Variants in ESR2 observed in about 807,000 individuals in gnomAD.
The protein encoded by ESR2 is estrogen receptor 2, also known as estrogen receptor beta.
In ESR2, 36 loss-of-function variants were observed where a neutral mutation model predicts 49.6. That is an observed-to-expected ratio of 0.73 (90% CI 0.56 to 0.96). The LOEUF is 0.96. ESR2 is among the 40% of genes least tolerant of loss of function. The pLI, the probability that ESR2 is intolerant of heterozygous loss-of-function variation, is 0.00. For synonymous variants in ESR2, 320 were observed against 266.1 expected (o/e 1.20, Z -1.97); for missense variants, 714 against 693.0 (o/e 1.03, Z -0.34).
At chr14:64,264,225 A>G (rs1336803233) in intron 4 of ESR2, among the ~76,000 whole-genome samples, 1 of 152,230 alleles carries the variant, frequency 6.6e-6, no homozygotes, top group Admixed American at 6.5e-5. Context: ...AAAAATAAAT[A>G]TTAGTTAGAA....
chr14:64,320,891 GC>G (rs1567801762), intron 1 of ESR2, among the ~76,000 whole-genome samples: 1 of 151,856 alleles, frequency 6.6e-6, no homozygotes, highest in Admixed American at 6.6e-5. Context: ...GCGAAACTCC[GC>G]CTCAATAATA....
In ESR2 at chr14:64,232,884, C is replaced by A. The variant is rs529570917; in HGVS notation, c.*253G>T. The A allele has an allele frequency of 5.0e-4, 259 of 522,668 alleles. No homozygotes were observed. The highest frequency in any genetic ancestry group is 6.6e-4 in the Non-Finnish European group (218 of 332,032). The allele number at this position is 522,668 out of a possible 1,614,324, so 32.4% of individuals were successfully genotyped here. The stretch of plus-strand genomic sequence containing the variant: ...AAGAAGGAAAGTAAGAAAGACCACA[C>A]TGAGATCCTATGAGGCCATTGAGTG... On this transcript the variant is annotated 3_prime_UTR_variant, in exon 9 of 9. Transcript: ENST00000341099.
At chr14:64,289,533 A>G (rs1043449259) in intron 1 of ESR2, among the ~76,000 whole-genome samples, 3 of 152,066 alleles carry the variant, frequency 2.0e-5, no homozygotes, top group Non-Finnish European at 4.4e-5. Context: ...AAGAAAAAGA[A>G]AAAGAAAAAA....
intron 4 of ESR2, among the ~76,000 whole-genome samples, chr14:64,264,307 T>G (rs568900047): frequency 6.6e-6 from 1 of 152,326 alleles, no homozygotes; most frequent in Admixed American, 6.5e-5. Flanking sequence ...TGACTAGTTA[T>G]AGTAGAAGAA....
At chr14:64,300,208 G>C (rs181246937) in intron 1 of ESR2, among the ~76,000 whole-genome samples, 3 of 152,326 alleles carry the variant, frequency 2.0e-5, no homozygotes, top group Admixed American at 2.0e-4. Context: ...GTGTTTTCCA[G>C]ATTTGCACTC....
At chr14:64,288,216 C>T (rs2076812333) in intron 1 of ESR2, among the ~76,000 whole-genome samples, 1 of 151,974 alleles carries the variant, frequency 6.6e-6, no homozygotes, top group Non-Finnish European at 1.5e-5. Flanking sequence ...AATGTACTGG[C>T]TGGGAAACAT....
chr14:64,235,043 C>G lies in ESR2; in HGVS notation c.1333G>C (p.Gly445Arg). Residue 445 changes from glycine to arginine, a missense_variant, in exon 8 of 9, where the codon GGC becomes CGC. Physicochemically the swap from Gly to Arg is moderately radical, Grantham distance 125. Transcript: ENST00000341099. ...ATGGATTGCTGCTGGGAGGAGATGC[C>G]GCTCTTGGCAATCACCCAAACCAAA... Reference protein sequence around the residue: ...DALVWVIAKSGISSQQQSMRL... With the variant: ...DALVWVIAKSRISSQQQSMRL... 1 of 1,614,200 alleles carries G rather than the reference C, an allele frequency of 6.2e-7. No homozygotes were observed. Among genetic ancestry groups the G allele is most frequent in the Middle Eastern group, 1.6e-4 (1 of 6,062 alleles).
Position 64,228,540 on chromosome 14 carries a change from C to T in ESR2, c.*4597G>A, listed in dbSNP as rs115914997. 6.6e-6 allele frequency among the ~76,000 whole-genome samples: 1 copy of T among 152,122 alleles called. No homozygotes were observed. Among genetic ancestry groups the T allele is most frequent in the South Asian group, 2.1e-4 (1 of 4,820 alleles). On this transcript the variant is annotated 3_prime_UTR_variant, in exon 9 of 9. Transcript: ENST00000341099. ...AATTAGTGTAATGATACAAAGCATT[C>T]GTCTGAGAAAATGGCAAATTATAGC...
chr14:64,273,588 G>A (rs564017959), intron 3 of ESR2, among the ~76,000 whole-genome samples: 93 of 134,874 alleles, frequency 6.9e-4, no homozygotes, highest in Admixed American at 1.1e-3. Flanking sequence ...TCATTCTGTC[G>A]ATATGGTGCA....
chr14:64,332,936 G>A lies in ESR2; in HGVS notation c.-91+4962C>T, dbSNP rs552215632. On this transcript the variant is annotated intron_variant, in intron 1 of 8. Coordinates refer to the ESR2 transcript ENST00000358599. ...GCCCAGGCTGGAGGGTAGGGCAGTG[G>A]CGCGATCTCAGCTCACTGCAAGCTC... Among the ~76,000 whole-genome samples the A allele has an allele frequency of 2.2e-4, 32 of 148,778 alleles. No individual in the cohort carries two copies. The East Asian group carries it at 5.9e-3, about 27-fold the overall frequency.
chr14:64,261,869 A>C (rs1051808858), intron 4 of ESR2, among the ~76,000 whole-genome samples: 5 of 152,086 alleles, frequency 3.3e-5, no homozygotes, highest in Non-Finnish European at 7.4e-5. Context: ...CTCCTGCCTC[A>C]GCCTCCTGAG....
At chr14:64,308,023 TG>T (rs1327844344) in intron 1 of ESR2, among the ~76,000 whole-genome samples, 1 of 152,088 alleles carries the variant, frequency 6.6e-6, no homozygotes, top group African/African-American at 2.4e-5. Context: ...TTGTTTTTGT[TG>T]TTGTTGTTGA....
At chr14:64,236,941 C>G (rs913289136) in intron 7 of ESR2, among the ~76,000 whole-genome samples, 1 of 150,614 alleles carries the variant, frequency 6.6e-6, no homozygotes, top group Non-Finnish European at 1.5e-5. Context: ...GACATGAGTG[C>G]TTTGAGGGCA....
intron 3 of ESR2, among the ~76,000 whole-genome samples, chr14:64,272,057 C>G (rs924450774): frequency 6.6e-6 from 1 of 152,176 alleles, no homozygotes; most frequent in African/African-American, 2.4e-5. Flanking sequence ...TACATCCTCA[C>G]TAGCATTTGT....
At chr14:64,312,867 T>A (rs1296505784) in intron 1 of ESR2, among the ~76,000 whole-genome samples, 2 of 151,660 alleles carry the variant, frequency 1.3e-5, no homozygotes, top group Non-Finnish European at 2.9e-5. Context: ...CAAGTGAGCA[T>A]CACTACACTA....
chr14:64,280,107 C>T lies in ESR2; in HGVS notation c.409G>A (p.Val137Ile). Residue 137 changes from valine to isoleucine, a missense_variant, in exon 3 of 9, where the codon GTT becomes ATT. Physicochemically the swap from Val to Ile is conservative, Grantham distance 29. Coordinates refer to ENST00000341099, the MANE Select transcript of ESR2 (RefSeq NM_001437.3). ...KVSGNRCASP[V>I]TGPGSKRDAH... ...TCCCTCTTTGAACCTGGACCAGTAA[C>T]AGGGCTGGCGCAACGGTTCCCACTA... 3.1e-6 allele frequency: 5 copies of T among 1,614,092 alleles called. No individual in the cohort carries two copies. The highest frequency in any genetic ancestry group is 4.2e-6 in the Non-Finnish European group (5 of 1,179,990).
intron 1 of ESR2, among the ~76,000 whole-genome samples, chr14:64,310,560 C>T (rs189887601): frequency 7.9e-5 from 12 of 151,302 alleles, no homozygotes; most frequent in African/African-American, 2.9e-4. Flanking sequence ...CAACCTCTGC[C>T]TTCCGGTTTC....
intron 1 of ESR2, among the ~76,000 whole-genome samples, chr14:64,319,048 CAAA>C (rs544724723): frequency 1.8e-5 from 2 of 109,448 alleles, no homozygotes; most frequent in Non-Finnish European, 3.9e-5. Flanking sequence ...GACCCAGTCT[CAAA>C]AAAAAAAAAA....
chr14:64,267,531 C>T (rs1238885469), intron 4 of ESR2, among the ~76,000 whole-genome samples: 1 of 151,952 alleles, frequency 6.6e-6, no homozygotes, highest in Non-Finnish European at 1.5e-5. Flanking sequence ...CTGTTACATA[C>T]ACAGAGAAAA....
Sources: allele counts gnomAD v4.1 joint callset (sites outside exome capture counted in the v4.1 genomes callset), GRCh38; gene constraint gnomAD v4.1.1; transcripts MANE v1.5; gene names NCBI Gene and HGNC (gene_info 2026-07-23, HGNC 2026-07-21).